Variants in ASAP1 observed in about 807,000 individuals in gnomAD.
ASAP1 encodes arf-GAP with SH3 domain, ANK repeat and PH domain-containing protein 1.
In ASAP1, 43 loss-of-function variants were observed where a neutral mutation model predicts 145.2. The observed-to-expected ratio is 0.30, with a 90% CI of 0.23 to 0.38. The LOEUF is 0.38. Among genes scored for constraint, ASAP1 ranks in the 10% least tolerant of loss-of-function variants. The pLI is 1.00. For missense variants in ASAP1, 1,018 were observed against 1,355.3 expected (o/e 0.75, Z 3.91); for synonymous variants, 546 against 515.5 (o/e 1.06, Z -0.80).
chr8:130,357,924 C>T, intron 3 of ASAP1, 93 bp downstream of exon 3: 1 of 1,483,470 alleles, frequency 6.7e-7, no homozygotes, highest in Non-Finnish European at 9.0e-7. Context: ...CCCCCGGCCC[C>T]CGCGTCCCCT....
intron 6 of ASAP1, 84 bp downstream of exon 6, chr8:130,188,025 A>G: frequency 3.2e-6 from 3 of 943,372 alleles, no homozygotes; most frequent in Non-Finnish European, 5.0e-6. Flanking sequence ...TCTTTCAAAT[A>G]CAAGTACTAC....
chr8:130,172,544 T>C (rs1342154284), intron 9 of ASAP1, among the ~76,000 whole-genome samples: 2 of 152,192 alleles, frequency 1.3e-5, no homozygotes, highest in Non-Finnish European at 2.9e-5. Flanking sequence ...TGGTAGCCAC[T>C]AGTCACATCT....
intron 4 of ASAP1, among the ~76,000 whole-genome samples, chr8:130,221,635 AT>A (rs983932115): frequency 6.6e-6 from 1 of 151,816 alleles, no homozygotes; most frequent in African/African-American, 2.4e-5. Flanking sequence ...GGGGTTTTTC[AT>A]TTCTTTTCCG....
chr8:130,074,853 G>A (rs2097458754), intron 27 of ASAP1, among the ~76,000 whole-genome samples: 1 of 152,208 alleles, frequency 6.6e-6, no homozygotes, highest in South Asian at 2.1e-4. Context: ...CATAGGGAGA[G>A]CCAGACTGCC....
chr8:130,077,065 A>G (rs2097464079), intron 26 of ASAP1, among the ~76,000 whole-genome samples: 1 of 152,178 alleles, frequency 6.6e-6, no homozygotes, highest in African/African-American at 2.4e-5. Context: ...ATGGAAGGGA[A>G]TGGGGGTGTT....
At chr8:130,242,833 AG>A (rs1818621817) in intron 3 of ASAP1, among the ~76,000 whole-genome samples, 1 of 152,132 alleles carries the variant, frequency 6.6e-6, no homozygotes, top group Admixed American at 6.5e-5. Context: ...CTCCTCAAAA[AG>A]GGGAAAGATA....
At chr8:130,080,112 C>G in intron 25 of ASAP1, 141 bp from the exon 26 acceptor site, 1 of 724,776 alleles carries the variant, frequency 1.4e-6, no homozygotes, top group Non-Finnish European at 2.4e-6. Flanking sequence ...GCATGCATTT[C>G]TGGCCTAAGA....
At chr8:130,175,432 C>T (rs1189724337) in intron 9 of ASAP1, among the ~76,000 whole-genome samples, 1 of 152,064 alleles carries the variant, frequency 6.6e-6, no homozygotes, top group Non-Finnish European at 1.5e-5. Context: ...CCCTGTGTTG[C>T]CCAGGCTGGT....
chr8:130,074,211 T>C (rs776673311), intron 27 of ASAP1, among the ~76,000 whole-genome samples: 1 of 152,100 alleles, frequency 6.6e-6, no homozygotes, highest in Non-Finnish European at 1.5e-5. Flanking sequence ...ACATGATGAA[T>C]TTTTTGATGT....
intron 27 of ASAP1, among the ~76,000 whole-genome samples, chr8:130,065,726 C>T (rs1448571401): frequency 6.6e-6 from 1 of 152,178 alleles, no homozygotes; most frequent in East Asian, 1.9e-4. Flanking sequence ...AAAACAGTTA[C>T]AGCAATGCCG....
intron 24 of ASAP1, among the ~76,000 whole-genome samples, chr8:130,096,938 C>T (rs1411308723): frequency 6.6e-6 from 1 of 151,752 alleles, no homozygotes. Flanking sequence ...CCAGCCTGGC[C>T]AACATAATGA....
chr8:130,192,774 T>G (rs1815227248), intron 5 of ASAP1, among the ~76,000 whole-genome samples: 1 of 152,218 alleles, frequency 6.6e-6, no homozygotes, highest in South Asian at 2.1e-4. Context: ...GGGGTCAATA[T>G]GCTCACTGCT....
intron 4 of ASAP1, among the ~76,000 whole-genome samples, chr8:130,230,846 G>A (rs2395992): frequency 0.88 from 134,457 of 152,190 alleles, 59,498 homozygotes; most frequent in East Asian, 0.96. Flanking sequence ...AATCTATTAT[G>A]TCTCTTACAT....
At chr8:130,275,780 T>C (rs543700306) in intron 3 of ASAP1, among the ~76,000 whole-genome samples, 2 of 152,294 alleles carry the variant, frequency 1.3e-5, no homozygotes, top group East Asian at 1.9e-4. Flanking sequence ...AAGGAGGCCA[T>C]ATCAGAGAAA....
At chr8:130,283,509 G>A (rs1046640801) in intron 3 of ASAP1, among the ~76,000 whole-genome samples, 5 of 146,084 alleles carry the variant, frequency 3.4e-5, no homozygotes, top group African/African-American at 7.7e-5. Context: ...GAACCCAGGA[G>A]GCAGAGGCTG....
intron 2 of ASAP1, among the ~76,000 whole-genome samples, chr8:130,367,714 C>T (rs568067714): frequency 4.3e-4 from 65 of 152,340 alleles, no homozygotes; most frequent in South Asian, 1.5e-3. Context: ...ACTCCAAACA[C>T]AAAGAGGTCC....
At chr8:130,422,140 T>C (rs1042921224) in intron 1 of ASAP1, among the ~76,000 whole-genome samples, 1 of 152,044 alleles carries the variant, frequency 6.6e-6, no homozygotes, top group Non-Finnish European at 1.5e-5. Context: ...GCTCATCATG[T>C]AGACAAACCT....
chr8:130,131,136 G>A (rs895361948), intron 15 of ASAP1, among the ~76,000 whole-genome samples: 30 of 150,536 alleles, frequency 2.0e-4, no homozygotes, highest in African/African-American at 6.6e-4. Flanking sequence ...CAGCCTGGGC[G>A]ACAGAGCAAG....
chr8:130,054,879 GC>G, intron 29 of ASAP1, 74 bp from the exon 30 acceptor site: 2 of 1,198,072 alleles, frequency 1.7e-6, no homozygotes, highest in Non-Finnish European at 2.5e-6. Flanking sequence ...GTGGGTAAGA[GC>G]CCAGCCTAGT....
Sources: gnomAD v4.1 joint callset for allele counts (sites outside exome capture counted in the v4.1 genomes callset) on GRCh38, gnomAD v4.1.1 for gene constraint, MANE v1.5 for transcripts, NCBI Gene and HGNC (gene_info 2026-07-23, HGNC 2026-07-21) for gene names.